GPBP1L1: variants seen among roughly 807,000 people sequenced by gnomAD.
GPBP1L1 encodes the protein GC-rich promoter binding protein 1 like 1, also known as vasculin-like protein 1.
GPBP1L1 carries 23 observed loss-of-function variants against 52.5 expected under a neutral mutation model. The observed-to-expected ratio is 0.44, with a 90% CI of 0.32 to 0.62. The LOEUF (loss-of-function observed/expected upper bound fraction) is 0.62, where lower values mean the gene tolerates loss of function less well. Among genes scored for constraint, GPBP1L1 ranks in the 20% least tolerant of loss-of-function variants. The pLI is 0.06. For synonymous variants in GPBP1L1, 243 were observed against 203.1 expected, an observed-to-expected ratio of 1.20 and a Z score of -1.67; for missense variants, 596 against 579.3, an observed-to-expected ratio of 1.03 and a Z score of -0.30.
chr1:45,658,775 A>G (rs1644912657), intron 4 of GPBP1L1: 1 of 456,518 alleles, frequency 2.2e-6, no homozygotes, highest in Non-Finnish European at 3.9e-6. Flanking sequence ...ATAAAACAAC[A>G]ACAACAAAAA....
intron 6 of GPBP1L1, among the ~76,000 whole-genome samples, chr1:45,653,693 CTTTT>C (rs201949293): frequency 7.7e-6 from 1 of 129,640 alleles, no homozygotes; most frequent in Non-Finnish European, 1.7e-5. Flanking sequence ...AAATGATAAT[CTTTT>C]TTTTCTTTTT....
At chr1:45,659,928 G>A (rs1569843445) in intron 3 of GPBP1L1, among the ~76,000 whole-genome samples, 1 of 152,250 alleles carries the variant, frequency 6.6e-6, no homozygotes, top group Admixed American at 6.5e-5. Context: ...GTGACAGAGT[G>A]AGACCCTGCC....
chr1:45,644,120 A>G (rs1190052321), intron 6 of GPBP1L1, among the ~76,000 whole-genome samples: 1 of 152,200 alleles, frequency 6.6e-6, no homozygotes, highest in Admixed American at 6.5e-5. Context: ...GAACCACTAC[A>G]ATAGGAGAAC....
chr1:45,647,713 T>C (rs1484746107), intron 6 of GPBP1L1, among the ~76,000 whole-genome samples: 1 of 152,142 alleles, frequency 6.6e-6, no homozygotes, highest in Non-Finnish European at 1.5e-5. Flanking sequence ...AGTAGTTTTG[T>C]AGCAGAGTGA....
intron 2 of GPBP1L1, among the ~76,000 whole-genome samples, chr1:45,681,945 C>G (rs1042614084): frequency 6.6e-6 from 1 of 152,108 alleles, no homozygotes; most frequent in African/African-American, 2.4e-5. Context: ...TCTATGTTAC[C>G]GAAATTACTT....
intron 2 of GPBP1L1, among the ~76,000 whole-genome samples, chr1:45,669,392 C>T (rs982937131): frequency 6.6e-6 from 1 of 152,190 alleles, no homozygotes; most frequent in African/African-American, 2.4e-5. Flanking sequence ...CTCAAGGGGC[C>T]CTTCTGCCTC....
At chr1:45,629,171 C>T (rs1644495978) in intron 12 of GPBP1L1, among the ~76,000 whole-genome samples, 1 of 152,206 alleles carries the variant, frequency 6.6e-6, no homozygotes, top group African/African-American at 2.4e-5. Flanking sequence ...GATAAACTGA[C>T]ACAAGCTATT....
intron 6 of GPBP1L1, among the ~76,000 whole-genome samples, chr1:45,650,032 T>TA (rs1422151129): frequency 4.6e-5 from 7 of 152,228 alleles, no homozygotes; most frequent in African/African-American, 1.7e-4. Flanking sequence ...GGACCTCTAA[T>TA]ACAATGATAA....
chr1:45,636,774 G>C (rs1263797474), intron 8 of GPBP1L1, among the ~76,000 whole-genome samples: 2 of 152,178 alleles, frequency 1.3e-5, no homozygotes, highest in East Asian at 3.8e-4. Flanking sequence ...ACCCTAGAAA[G>C]TGTCACAAAG....
chr1:45,659,720 G>C (rs919119644), intron 3 of GPBP1L1, among the ~76,000 whole-genome samples: 1 of 152,140 alleles, frequency 6.6e-6, no homozygotes, highest in Non-Finnish European at 1.5e-5. Context: ...GAGGTGGATC[G>C]CTTGAGCCCA....
chr1:45,656,669 C>CT (rs531524977), intron 4 of GPBP1L1, among the ~76,000 whole-genome samples: 2,074 of 139,890 alleles, frequency 0.015, 30 homozygotes, highest in African/African-American at 0.038. Context: ...ATACATAAGC[C>CT]TTTTTTTTTT....
intron 2 of GPBP1L1, among the ~76,000 whole-genome samples, chr1:45,675,648 T>TC (rs1414705787): frequency 6.6e-6 from 1 of 152,194 alleles, no homozygotes; most frequent in Non-Finnish European, 1.5e-5. Flanking sequence ...CGAGTGATCC[T>TC]CCCAGCTCAG....
At chr1:45,629,454 T>TTTTCCCCCCCCC in intron 12 of GPBP1L1, 122 bp downstream of exon 12, 1 of 115,396 alleles carries the variant, frequency 8.7e-6, no homozygotes, top group South Asian at 9.7e-5. Flanking sequence ...ACTAAGGTAA[T>TTTTCCCCCCCCC]CCCCCCCCCC....
chr1:45,685,465 T>G (rs1388571144), intron 2 of GPBP1L1, 111 bp downstream of exon 2: 1 of 152,094 alleles, frequency 6.6e-6, no homozygotes, highest in Non-Finnish European at 1.5e-5. Context: ...GCAGATAAAA[T>G]TGACACCACA....
At chr1:45,681,663 CATT>C (rs1645213839) in intron 2 of GPBP1L1, among the ~76,000 whole-genome samples, 1 of 152,204 alleles carries the variant, frequency 6.6e-6, no homozygotes, top group African/African-American at 2.4e-5. Context: ...TACCGTCAGA[CATT>C]ATTTTAAGAA....
At chr1:45,679,783 T>C (rs1359550270) in intron 2 of GPBP1L1, among the ~76,000 whole-genome samples, 14 of 151,012 alleles carry the variant, frequency 9.3e-5, no homozygotes. Flanking sequence ...CAAGGCACAG[T>C]GGCTCATGCC....
At chr1:45,632,235 G>C (rs1299148974) in intron 10 of GPBP1L1, among the ~76,000 whole-genome samples, 1 of 152,054 alleles carries the variant, frequency 6.6e-6, no homozygotes, top group Non-Finnish European at 1.5e-5. Context: ...CCTCTGGCCA[G>C]AGCTAAGAAG....
Position 45,674,372 on chromosome 1 carries a change from TA to T in GPBP1L1, c.-1098+11203del, listed in dbSNP as rs572061881. Reference sequence around the variant, plus strand: ...TCTTGGAAAAAGGAACAACTCACCTTAAAAAAAAGTTAACAATCTTACATTG... The same window carrying T: ...TCTTGGAAAAAGGAACAACTCACCTTAAAAAAAGTTAACAATCTTACATTG... On this transcript the variant is annotated intron_variant, in intron 2 of 12. Transcript: ENST00000355105. 5.1e-3 allele frequency among the ~76,000 whole-genome samples: 770 copies of T among 152,110 alleles called. 7 individuals are homozygous for T. Among genetic ancestry groups the T allele is most frequent in the African/African-American group, 0.017 (723 of 41,516 alleles).
At chr1:45,682,106 T>C (rs1033690103) in intron 2 of GPBP1L1, among the ~76,000 whole-genome samples, 1 of 152,200 alleles carries the variant, frequency 6.6e-6, no homozygotes, top group African/African-American at 2.4e-5. Flanking sequence ...CTTCCTGCCA[T>C]ACATGGTAAG....
Sources: gnomAD v4.1 joint callset for allele counts (sites outside exome capture counted in the v4.1 genomes callset) on GRCh38, gnomAD v4.1.1 for gene constraint, MANE v1.5 for transcripts, NCBI Gene and HGNC (gene_info 2026-07-23, HGNC 2026-07-21) for gene names.